ARID2: variants seen among roughly 807,000 people sequenced by gnomAD.
The protein encoded by ARID2 is AT-rich interactive domain-containing protein 2.
Under a neutral mutation model 184.6 loss-of-function variants are expected in ARID2, and 32 were observed. The ratio of observed to expected loss-of-function variants is 0.17; its 90% CI spans 0.13 to 0.23. ARID2 has a LOEUF of 0.23. Among genes scored for constraint, ARID2 ranks in the 10% least tolerant of loss-of-function variants. ARID2 has a pLI of 1.00. For synonymous variants in ARID2, 836 were observed against 772.6 expected (o/e 1.08, Z -1.36); for missense variants, 1,696 against 2,197.6 (o/e 0.77, Z 4.56).
intron 3 of ARID2, among the ~76,000 whole-genome samples, chr12:45,751,104 G>A (rs1230698643): frequency 7.2e-5 from 11 of 152,156 alleles, no homozygotes; most frequent in Admixed American, 5.9e-4. Flanking sequence ...ACAAATAAGA[G>A]TATGCTAGCT....
chr12:45,900,243 T>G (rs1944441026), intron 20 of ARID2, among the ~76,000 whole-genome samples: 1 of 152,124 alleles, frequency 6.6e-6, no homozygotes, highest in African/African-American at 2.4e-5. Context: ...TTATTTCTAG[T>G]GGAGATGGGG....
At chr12:45,736,769 T>G (rs1270396633) in intron 3 of ARID2, among the ~76,000 whole-genome samples, 35 of 152,242 alleles carry the variant, frequency 2.3e-4, no homozygotes, top group Non-Finnish European at 1.2e-4. Flanking sequence ...GAAATGAACT[T>G]GAGCAAAAGG....
At chr12:45,826,411 C>G (rs1943001757) in intron 6 of ARID2, among the ~76,000 whole-genome samples, 1 of 151,626 alleles carries the variant, frequency 6.6e-6, no homozygotes, top group Admixed American at 6.6e-5. Context: ...AGAGGTTAGT[C>G]TTTATTTTTT....
At chr12:45,896,476 G>T (rs180966412) in intron 20 of ARID2, among the ~76,000 whole-genome samples, 1 of 152,250 alleles carries the variant, frequency 6.6e-6, no homozygotes, top group Non-Finnish European at 1.5e-5. Context: ...TCTCATTATT[G>T]TGAATAAGTC....
chr12:45,844,303 G>A (rs1335089436), intron 11 of ARID2, among the ~76,000 whole-genome samples: 5 of 152,164 alleles, frequency 3.3e-5, no homozygotes, highest in Non-Finnish European at 7.4e-5. Context: ...ACAGGCATGA[G>A]CCACCATGCC....
intron 10 of ARID2, 67 bp from the exon 11 acceptor site, chr12:45,839,262 G>A: frequency 2.2e-6 from 3 of 1,389,518 alleles, no homozygotes; most frequent in Non-Finnish European, 2.9e-6. Context: ...TACAACATGT[G>A]TTCACCAGTG....
intron 4 of ARID2, among the ~76,000 whole-genome samples, chr12:45,811,791 T>G (rs1942713772): frequency 6.6e-6 from 1 of 152,202 alleles, no homozygotes; most frequent in Admixed American, 6.5e-5. Flanking sequence ...GTAATGATTT[T>G]TCCTTATTGC....
In ARID2 at chr12:45,880,491, A is replaced by G. The variant is rs186508182; in HGVS notation, c.4923-11289A>G. ...AAAGTTCCTATTGTAAGGTATAATT[A>G]CTCCTACTGTACAAGCCAGAATAAT... On this transcript the variant is annotated intron_variant, in intron 16 of 20. Coordinates refer to ENST00000334344, the MANE Select transcript of ARID2 (RefSeq NM_152641.4). Among the ~76,000 whole-genome samples, 27 of 152,164 alleles carry G rather than the reference A, an allele frequency of 1.8e-4. 1 individual carries two copies. The highest frequency in any genetic ancestry group is 7.4e-5 in the Non-Finnish European group (5 of 67,990).
chr12:45,889,183 A>G (rs2138228077), intron 16 of ARID2, among the ~76,000 whole-genome samples: 1 of 150,414 alleles, frequency 6.6e-6, no homozygotes, highest in Non-Finnish European at 1.5e-5. Flanking sequence ...CTCTGTCTCA[A>G]ATAATAATAA....
chr12:45,848,886 A>G lies in ARID2; in HGVS notation c.1631A>G (p.Glu544Gly). 1 of 1,612,530 alleles carries G rather than the reference A, an allele frequency of 6.2e-7. No individual in the cohort carries two copies. The highest frequency in any genetic ancestry group is 8.5e-7 in the Non-Finnish European group (1 of 1,179,084). ...CCAGATTGTTCTGTTTCTCGAGCAG[A>G]AATGTATTCTGAATACCTCTCGACT... The part of the protein sequence containing the change: ...VNPDCSVSRA[E>G]MYSEYLSTCS... The change falls in exon 13 of 21, where the codon GAA (glutamate) becomes GGA (glycine). Residue 544 changes from glutamate to glycine, a missense_variant. Glu to Gly is a moderately conservative substitution (Grantham distance 98). Transcript: ENST00000334344.
intron 16 of ARID2, among the ~76,000 whole-genome samples, chr12:45,876,333 G>C (rs140593836): frequency 6.6e-6 from 1 of 151,434 alleles, no homozygotes; most frequent in African/African-American, 2.4e-5. Context: ...GGTGGATCAC[G>C]TGAGGTTGGG....
intron 15 of ARID2, among the ~76,000 whole-genome samples, chr12:45,858,746 G>A (rs901003360): frequency 2.6e-5 from 4 of 152,134 alleles, no homozygotes; most frequent in African/African-American, 7.2e-5. Context: ...AAGATCACAT[G>A]GCTAGTAAAA....
chr12:45,867,522 C>G (rs991734786), intron 16 of ARID2, among the ~76,000 whole-genome samples: 1 of 150,272 alleles, frequency 6.7e-6, no homozygotes, highest in East Asian at 2.0e-4. Context: ...GCGGGCTGAT[C>G]GTGAGGTCAG....
intron 16 of ARID2, among the ~76,000 whole-genome samples, chr12:45,867,918 A>G (rs1311748863): frequency 6.6e-6 from 1 of 152,112 alleles, no homozygotes; most frequent in South Asian, 2.1e-4. Context: ...AACTATTAAT[A>G]TAATAACATG....
intron 3 of ARID2, among the ~76,000 whole-genome samples, chr12:45,735,386 A>G (rs1941090076): frequency 6.6e-6 from 1 of 151,402 alleles, no homozygotes; most frequent in African/African-American, 2.4e-5. Flanking sequence ...TTATTCATGC[A>G]TGTATTTCAA....
intron 3 of ARID2, among the ~76,000 whole-genome samples, chr12:45,761,919 C>T (rs1390868194): frequency 6.6e-6 from 1 of 151,902 alleles, no homozygotes; most frequent in Non-Finnish European, 1.5e-5. Context: ...TTTCTGAGAC[C>T]CTTTGGAACA....
chr12:45,745,404 G>C (rs1012502103), intron 3 of ARID2, among the ~76,000 whole-genome samples: 3 of 152,116 alleles, frequency 2.0e-5, no homozygotes, highest in Non-Finnish European at 4.4e-5. Context: ...ACTTGCCTAA[G>C]ATTATTACTA....
intron 20 of ARID2, among the ~76,000 whole-genome samples, chr12:45,897,048 A>T (rs1944379211): frequency 6.6e-6 from 1 of 152,208 alleles, no homozygotes; most frequent in Non-Finnish European, 1.5e-5. Flanking sequence ...AGCTAACATA[A>T]TCAAAACAGC....
rs1565644994 is a variant in ARID2 at position 45,899,727 on chromosome 12, ATATATATATGGTTT to A, written c.5364-5197_5364-5184del. Among the ~76,000 whole-genome samples, 31 of 126,958 alleles carry A rather than the reference ATATATATATGGTTT, an allele frequency of 2.4e-4. No individual in the cohort carries two copies. The East Asian group carries it at 4.0e-3, about 17-fold the overall frequency. 83.3% of individuals were successfully genotyped at this position (126,958 alleles called of 152,430 possible). The stretch of plus-strand genomic sequence containing the variant: ...TATATATGGTTATATATATATGGTT[ATATATATATGGTTT>A]TATATATATATATATAACCAAATAG... On this transcript the variant is annotated intron_variant, in intron 20 of 20. Coordinates refer to ENST00000334344, the MANE Select transcript of ARID2 (RefSeq NM_152641.4).
Sources: allele counts gnomAD v4.1 joint callset (sites outside exome capture counted in the v4.1 genomes callset), GRCh38; gene constraint gnomAD v4.1.1; transcripts MANE v1.5; gene names NCBI Gene and HGNC (gene_info 2026-07-23, HGNC 2026-07-21).